Variants in LSM14A observed in about 807,000 individuals in gnomAD.
LSM14A encodes the protein protein LSM14 homolog A.
In LSM14A, 14 loss-of-function variants were observed where a neutral mutation model predicts 52.4. That is an observed-to-expected ratio of 0.27 (90% CI 0.18 to 0.42). The LOEUF (loss-of-function observed/expected upper bound fraction) is 0.42. LSM14A is among the 10% of genes least tolerant of loss of function. The pLI is 1.00. For missense variants in LSM14A, 417 were observed against 581.8 expected, an observed-to-expected ratio of 0.72 and a Z score of 2.91; for synonymous variants, 185 against 200.3, an observed-to-expected ratio of 0.92 and a Z score of 0.64.
chr19:34,222,002 C>A, intron 9 of LSM14A: 1 of 273,624 alleles, frequency 3.7e-6, no homozygotes, highest in Non-Finnish European at 5.6e-6. Flanking sequence ...CACATACTCC[C>A]AGAATGGAAG....
At chr19:34,182,092 C>T (rs1281868354) in intron 1 of LSM14A, among the ~76,000 whole-genome samples, 1 of 152,192 alleles carries the variant, frequency 6.6e-6, no homozygotes, top group African/African-American at 2.4e-5. Context: ...CTACCCTGGT[C>T]CATTATCTCT....
intron 1 of LSM14A, among the ~76,000 whole-genome samples, chr19:34,182,835 C>A (rs1011632370): frequency 8.7e-6 from 1 of 115,162 alleles, no homozygotes; most frequent in Non-Finnish European, 1.8e-5. Flanking sequence ...CAGTGAGACT[C>A]CATCTCAAAA....
intron 1 of LSM14A, among the ~76,000 whole-genome samples, chr19:34,187,242 C>T (rs954938741): frequency 6.1e-5 from 9 of 146,550 alleles, no homozygotes; most frequent in Admixed American, 4.1e-4. Flanking sequence ...GACCAAGACT[C>T]GGTCTCAAAA....
rs549131958 is a variant in LSM14A, at chr19:34,214,034, C to G, written c.539-1090C>G. On this transcript the variant is annotated intron_variant, in intron 4 of 9. Transcript: ENST00000544216. The stretch of plus-strand genomic sequence containing the variant: ...CTGAGCTCAAGCGATCTGCCCATCT[C>G]AGCCTCCCAAATTGCTGGGATTATA... Among the ~76,000 whole-genome samples the G allele has an allele frequency of 2.6e-5, 4 of 152,274 alleles. No individual in the cohort carries two copies. The South Asian group carries it at 8.3e-4, about 32-fold the overall frequency.
At chr19:34,192,319 GTTTTTT>G (rs71165632) in intron 1 of LSM14A, among the ~76,000 whole-genome samples, 85 of 53,414 alleles carry the variant, frequency 1.6e-3, no homozygotes, top group Middle Eastern at 0.036. Context: ...TCTTTTTGTT[GTTTTTT>G]TTTTTTTTTT....
intron 2 of LSM14A, 99 bp from the exon 3 acceptor site, chr19:34,196,535 A>T: frequency 1.7e-6 from 2 of 1,181,208 alleles, no homozygotes; most frequent in Non-Finnish European, 2.3e-6. Flanking sequence ...TAGTAGTTAT[A>T]ATTTAATAGT....
chr19:34,172,711 G>A lies in LSM14A; in HGVS notation c.69G>A (p.Glu23=). Residue 23 remains glutamate (E), a synonymous_variant, in exon 1 of 10, where the codon GAG becomes GAA. Transcript: ENST00000544216. ...SLISKAEIRY[E]GILYTIDTEN... is the part of the protein sequence containing the mutation. ...TCTCCAAGGCGGAGATCCGCTACGAGGGCATCCTCTACACCATCGACACCG... is the reference window on the plus strand; with the variant it reads ...TCTCCAAGGCGGAGATCCGCTACGAAGGCATCCTCTACACCATCGACACCG... 1 of 1,582,308 alleles carries A rather than the reference G, an allele frequency of 6.3e-7. No homozygotes were observed. The highest frequency in any genetic ancestry group is 8.6e-7 in the Non-Finnish European group (1 of 1,165,718).
At chr19:34,172,886 C>A in intron 1 of LSM14A, 123 bp downstream of exon 1, 4 of 1,162,598 alleles carry the variant, frequency 3.4e-6, no homozygotes, top group Non-Finnish European at 4.6e-6. Context: ...AGGCCTCTCG[C>A]CTCCCTTCTC....
chr19:34,203,841 CT>C, intron 3 of LSM14A, among the ~76,000 whole-genome samples: 1 of 145,978 alleles, frequency 6.9e-6, no homozygotes, highest in East Asian at 2.0e-4. Context: ...TAAAGATCTA[CT>C]TTGGTAAAAT....
At chr19:34,173,096 A>C (rs2068821949) in intron 1 of LSM14A, among the ~76,000 whole-genome samples, 1 of 152,260 alleles carries the variant, frequency 6.6e-6, no homozygotes, top group East Asian at 1.9e-4. Context: ...GTCTTAGCAC[A>C]AAACAAAGCC....
rs930834236 is a variant in LSM14A at position 34,227,566 on chromosome 19, G to A, written c.*178G>A. The stretch of plus-strand genomic sequence containing the variant: ...TCAAAGATAAAATGCAGTTACTTTT[G>A]GGGGTGGAAGGCTCATCTTAAAACA... On this transcript the variant is annotated 3_prime_UTR_variant, in exon 10 of 10. Transcript: ENST00000544216. 4 of 523,814 alleles carry A rather than the reference G, an allele frequency of 7.6e-6. No individual in the cohort carries two copies. The highest frequency in any genetic ancestry group is 8.2e-5 in the Admixed American group (2 of 24,538). 32.4% of individuals were successfully genotyped at this position (523,814 alleles called of 1,614,324 possible). A position where few individuals can be genotyped will look rare whatever the true frequency, so the allele number is the denominator to read the frequency against.
At chr19:34,172,912 C>T in intron 1 of LSM14A, 149 bp downstream of exon 1, 3 of 981,392 alleles carry the variant, frequency 3.1e-6, no homozygotes, top group East Asian at 3.3e-5. Context: ...CCCGGCGTCG[C>T]GGGCCGGACC....
At chr19:34,175,509 G>A (rs558599847) in intron 1 of LSM14A, among the ~76,000 whole-genome samples, 52 of 152,290 alleles carry the variant, frequency 3.4e-4, no homozygotes, top group Non-Finnish European at 2.6e-4. Flanking sequence ...CGGGATTACA[G>A]GCATGAGCCA....
intron 4 of LSM14A, among the ~76,000 whole-genome samples, chr19:34,214,398 G>T (rs1255816910): frequency 1.3e-5 from 2 of 151,654 alleles, no homozygotes; most frequent in Admixed American, 1.3e-4. Context: ...TGCAGCTTCT[G>T]CCTCCCGGGT....
At chr19:34,195,925 T>G (rs1216584003) in intron 2 of LSM14A, among the ~76,000 whole-genome samples, 1 of 152,220 alleles carries the variant, frequency 6.6e-6, no homozygotes, top group Non-Finnish European at 1.5e-5. Flanking sequence ...TTCAGTAGTA[T>G]TTACAGAGTA....
chr19:34,172,929 T>C (rs1045371840), intron 1 of LSM14A, among the ~76,000 whole-genome samples, 166 bp downstream of exon 1: 4 of 151,970 alleles, frequency 2.6e-5, no homozygotes, highest in African/African-American at 7.2e-5. Context: ...GACCGCGGCC[T>C]CCCCGCGGCT....
At chr19:34,192,780 G>C (rs953399142) in intron 1 of LSM14A, among the ~76,000 whole-genome samples, 1 of 151,406 alleles carries the variant, frequency 6.6e-6, no homozygotes. Context: ...TTCTAGACCA[G>C]TCTGGCCAAC....
chr19:34,213,691 T>G (rs995861110), intron 4 of LSM14A, among the ~76,000 whole-genome samples: 8 of 152,212 alleles, frequency 5.3e-5, no homozygotes, highest in African/African-American at 1.9e-4. Context: ...GCACCCGATG[T>G]TACATTCTTC....
chr19:34,222,460 CTCAGT>C (rs2073117509), intron 9 of LSM14A, among the ~76,000 whole-genome samples: 1 of 152,154 alleles, frequency 6.6e-6, no homozygotes, highest in Admixed American at 6.5e-5. Context: ...TAGTAACTAT[CTCAGT>C]TAACAGTAAA....
Sources: allele counts gnomAD v4.1 joint callset (sites outside exome capture counted in the v4.1 genomes callset), GRCh38; gene constraint gnomAD v4.1.1; transcripts MANE v1.5; gene names NCBI Gene and HGNC (gene_info 2026-07-23, HGNC 2026-07-21).